The following ENAH variants were observed in gnomAD, a reference collection of about 807,000 sequenced individuals.
ENAH encodes the protein ENAH actin regulator.
Under a neutral mutation model 78.7 loss-of-function variants are expected in ENAH, and 23 were observed. The ratio of observed to expected loss-of-function variants is 0.29; its 90% CI spans 0.21 to 0.41. The LOEUF (loss-of-function observed/expected upper bound fraction) is 0.41, where lower values mean the gene tolerates loss of function less well. ENAH is among the 10% of genes least tolerant of loss of function. ENAH has a pLI of 1.00. For missense variants in ENAH, 544 were observed against 691.0 expected, an observed-to-expected ratio of 0.79 and a Z score of 2.39; for synonymous variants, 226 against 241.0, an observed-to-expected ratio of 0.94 and a Z score of 0.58.
intron 1 of ENAH, among the ~76,000 whole-genome samples, chr1:225,585,875 T>C (rs552571012): frequency 6.6e-6 from 1 of 152,198 alleles, no homozygotes; most frequent in East Asian, 1.9e-4. Context: ...TGAATGCATA[T>C]ATGAGAAAAG....
intron 3 of ENAH, among the ~76,000 whole-genome samples, chr1:225,546,645 T>C (rs559110414): frequency 4.3e-4 from 66 of 152,202 alleles, no homozygotes; most frequent in Non-Finnish European, 7.6e-4. Flanking sequence ...GGCTGAAAAT[T>C]GAGGCTTTGA....
rs567637765 is a variant in ENAH, at chr1:225,578,513, G to GT, written c.6-11100dup. Among the ~76,000 whole-genome samples, 23 of 152,210 alleles carry GT rather than the reference G, an allele frequency of 1.5e-4. No individual in the cohort carries two copies. The South Asian group carries it at 4.6e-3, about 30-fold the overall frequency. On this transcript the variant is annotated intron_variant, in intron 1 of 13. Coordinates refer to ENST00000366843, the MANE Select transcript of ENAH (RefSeq NM_018212.6). Reference sequence around the variant, plus strand: ...AAAAGAAAGAAATATTAACAAACTAGTAAGACTGAGATTATCTAGGGTGGG... The same window carrying GT: ...AAAAGAAAGAAATATTAACAAACTAGTTAAGACTGAGATTATCTAGGGTGGG...
At chr1:225,527,712 G>A (rs891138370) in intron 4 of ENAH, among the ~76,000 whole-genome samples, 1 of 152,120 alleles carries the variant, frequency 6.6e-6, no homozygotes, top group Non-Finnish European at 1.5e-5. Context: ...AGGAGGAAGC[G>A]TACTCACATT....
At chr1:225,598,443 T>G (rs1239171923) in intron 1 of ENAH, among the ~76,000 whole-genome samples, 1 of 151,882 alleles carries the variant, frequency 6.6e-6, no homozygotes, top group Non-Finnish European at 1.5e-5. Context: ...AATTCTAGAT[T>G]AACATCAACT....
chr1:225,517,757 C>A, intron 5 of ENAH: 1 of 1,551,170 alleles, frequency 6.4e-7, no homozygotes, highest in Non-Finnish European at 8.7e-7. Context: ...TGGGGAAGAA[C>A]AGGGTGGAAG....
At chr1:225,533,204 A>G (rs1418972156) in intron 3 of ENAH, among the ~76,000 whole-genome samples, 5 of 152,086 alleles carry the variant, frequency 3.3e-5, no homozygotes, top group Admixed American at 6.6e-5. Flanking sequence ...ACACAATTAC[A>G]TTTTTCCTTC....
In ENAH at chr1:225,511,521, TACTA is replaced by T. The variant is rs538267791; in HGVS notation, c.1471+286_1471+289del. On this transcript the variant is annotated intron_variant, in intron 10 of 13. Transcript: ENST00000366843. ...GAGAATGTTCTGAAGCAGACTGTAG[TACTA>T]ACTAACATGCTCACTTTATTTTTAC... Among the ~76,000 whole-genome samples, 1,201 of 152,354 alleles carry T rather than the reference TACTA, an allele frequency of 7.9e-3. 9 individuals carry two copies. The highest frequency in any genetic ancestry group is 0.013 in the Non-Finnish European group (910 of 68,038).
intron 1 of ENAH, among the ~76,000 whole-genome samples, chr1:225,617,359 C>CCA (rs1276246536): frequency 6.6e-6 from 1 of 152,102 alleles, no homozygotes; most frequent in African/African-American, 2.4e-5. Flanking sequence ...TCCTTTCATA[C>CCA]CACAAAAGAC....
intron 1 of ENAH, among the ~76,000 whole-genome samples, chr1:225,583,650 C>CA (rs1054027733): frequency 1.3e-4 from 20 of 149,552 alleles, no homozygotes; most frequent in African/African-American, 4.2e-4. Context: ...CTACTAAATA[C>CA]AAAAAAAGTT....
intron 1 of ENAH, among the ~76,000 whole-genome samples, chr1:225,593,405 G>T (rs1368041714): frequency 0.044 from 5,124 of 116,706 alleles, 314 homozygotes; most frequent in South Asian, 0.092. Context: ...GTGTGTGGGG[G>T]GGGGGGGGGG....
At chr1:225,594,343 C>G (rs1382570940) in intron 1 of ENAH, among the ~76,000 whole-genome samples, 1 of 152,214 alleles carries the variant, frequency 6.6e-6, no homozygotes. Flanking sequence ...GGGCAACAGT[C>G]TCTCTTCTCT....
chr1:225,526,643 C>T (rs892592512), intron 4 of ENAH, among the ~76,000 whole-genome samples: 6 of 151,728 alleles, frequency 4.0e-5, no homozygotes, highest in African/African-American at 7.3e-5. Context: ...TTCTATTTCT[C>T]GGCGGGGAAA....
At chr1:225,552,672 G>A (rs566555351) in intron 3 of ENAH, among the ~76,000 whole-genome samples, 1 of 152,186 alleles carries the variant, frequency 6.6e-6, no homozygotes, top group South Asian at 2.1e-4. Context: ...CAGCTGTGAT[G>A]GACTCATTTC....
At chr1:225,569,486 A>T (rs1473932253) in intron 1 of ENAH, among the ~76,000 whole-genome samples, 1 of 152,208 alleles carries the variant, frequency 6.6e-6, no homozygotes, top group African/African-American at 2.4e-5. Context: ...AAATAAAATA[A>T]AATCATGTCC....
At chr1:225,585,904 A>G (rs1282621787) in intron 1 of ENAH, among the ~76,000 whole-genome samples, 1 of 152,122 alleles carries the variant, frequency 6.6e-6, no homozygotes, top group Admixed American at 6.5e-5. Flanking sequence ...AAAAGCAAAG[A>G]CTTGAGCTTC....
chr1:225,520,441 C>G (rs549516369), intron 4 of ENAH, among the ~76,000 whole-genome samples: 1 of 152,156 alleles, frequency 6.6e-6, no homozygotes, highest in South Asian at 2.1e-4. Context: ...CGCGCACACA[C>G]GCACCCCTAT....
chr1:225,574,071 A>G (rs2096776110), intron 1 of ENAH, among the ~76,000 whole-genome samples: 1 of 152,256 alleles, frequency 6.6e-6, no homozygotes, highest in Non-Finnish European at 1.5e-5. Context: ...TTTATTCAGA[A>G]GATAAAATAC....
At position 225,489,711 on chromosome 1, in the gene ENAH, G is replaced by A. The variant is rs1047547976; in HGVS notation, c.*8064C>T. 2 of 152,234 alleles carry A rather than the reference G, an allele frequency of 1.3e-5. No homozygotes were observed. The highest frequency in any genetic ancestry group is 4.8e-5 in the African/African-American group (2 of 41,454). 9.4% of individuals were successfully genotyped at this position (152,234 alleles called of 1,614,324 possible). ...TGCCTGTAATCCCAACACTTTGGGA[G>A]GCCAAGGTGGGTGGATCACCTGAGG... On this transcript the variant is annotated 3_prime_UTR_variant, in exon 14 of 14. Coordinates refer to ENST00000366843, the MANE Select transcript of ENAH (RefSeq NM_018212.6).
At chr1:225,525,453 C>T (rs1020951305) in intron 4 of ENAH, among the ~76,000 whole-genome samples, 7 of 152,184 alleles carry the variant, frequency 4.6e-5, no homozygotes, top group Admixed American at 4.6e-4. Flanking sequence ...GAACTGTAAT[C>T]CCTATCAACA....
Sources: allele counts gnomAD v4.1 joint callset (sites outside exome capture counted in the v4.1 genomes callset), GRCh38; gene constraint gnomAD v4.1.1; transcripts MANE v1.5; gene names NCBI Gene and HGNC (gene_info 2026-07-23, HGNC 2026-07-21).